ABITRAM: variants seen among roughly 807,000 people sequenced by gnomAD.
ABITRAM encodes actin binding transcription modulator.
A neutral mutation model predicts 22.9 loss-of-function variants in ABITRAM; 19 were observed. The observed-to-expected ratio is 0.83, with a 90% CI of 0.58 to 1.22. The LOEUF (loss-of-function observed/expected upper bound fraction) is 1.22, where lower values mean the gene tolerates loss of function less well. Ranked by LOEUF, ABITRAM falls within the 50% of genes most tolerant of loss-of-function variation. The probability of loss-of-function intolerance (pLI) is 0.00; values close to 1 mark genes in which losing one functional copy is unlikely to be tolerated. For missense variants in ABITRAM, 215 were observed against 220.2 expected (o/e 0.98, Z 0.15); for synonymous variants, 70 against 73.9 (o/e 0.95, Z 0.27).
At chr9:108,934,950 A>G (rs533790385) in intron 1 of ABITRAM, among the ~76,000 whole-genome samples, 1 of 152,266 alleles carries the variant, frequency 6.6e-6, no homozygotes, top group East Asian at 1.9e-4. Flanking sequence ...ATCAGATCGA[A>G]ACTAAGGTAG....
Position 108,934,456 on chromosome 9 carries a change from G to C in ABITRAM, c.-31G>C. On this transcript the variant is annotated 5_prime_UTR_variant, in exon 1 of 6. Transcript: ENST00000322940. ...GCGCGGAGGAAGCGCTGGGGTCCCG[G>C]AGGGCGGGGGTGGCGGCGCCGGAGG... is the stretch of plus-strand genomic sequence containing the variant. 6.3e-7 allele frequency: 1 copy of C among 1,575,394 alleles called. No homozygotes were observed. The highest frequency in any genetic ancestry group is 8.6e-7 in the Non-Finnish European group (1 of 1,162,594).
downstream of ABITRAM, among the ~76,000 whole-genome samples, chr9:108,941,926 G>C (rs1239461629): frequency 6.6e-6 from 1 of 152,154 alleles, no homozygotes; most frequent in Non-Finnish European, 1.5e-5. Context: ...GATGTTTTTT[G>C]TTTTGTTTTA....
downstream of ABITRAM, chr9:108,942,562 A>T: frequency 1.8e-6 from 1 of 555,332 alleles, no homozygotes; most frequent in Non-Finnish European, 3.2e-6. Flanking sequence ...TAAAAATCAC[A>T]CTACAATTAG....
downstream of ABITRAM, chr9:108,942,685 T>C: frequency 1.1e-6 from 1 of 948,496 alleles, no homozygotes. Flanking sequence ...ATTGATGAAT[T>C]TCTGAAAAGA....
chr9:108,939,242 G>T lies in ABITRAM; in HGVS notation c.308G>T (p.Cys103Phe). Residue 103 changes from cysteine to phenylalanine, a missense_variant, in exon 4 of 6, where the codon TGC (cysteine) becomes TTC (phenylalanine). Cys to Phe is a radical substitution (Grantham distance 205). Transcript: ENST00000322940. The stretch of plus-strand genomic sequence containing the variant: ...CTTGCACCTCTCTGTAAGATTTACT[G>T]CTCAGATGGTGAAGAATATACTGTG... ...TELAPLCKIY[C>F]SDGEEYTVSS... 6.2e-7 allele frequency: 1 copy of T among 1,613,962 alleles called. No homozygotes were observed. Among genetic ancestry groups the T allele is most frequent in the Non-Finnish European group, 8.5e-7 (1 of 1,179,920 alleles).
At position 108,950,156 on chromosome 9, in the gene ABITRAM, T is replaced by C. The variant is rs575218817; in HGVS notation, c.262-351T>C. ...TAGTCAAAAACATTTTTTAAAAGCA[T>C]GATTTTCATCACCATGGAAATAACT... On this transcript the variant is annotated intron_variant, in intron 3 of 3. Transcript: ENST00000374624. Among the ~76,000 whole-genome samples the C allele has an allele frequency of 3.3e-5, 5 of 152,296 alleles. No homozygotes were observed. In the East Asian group the frequency reaches 9.6e-4, roughly 29 times the overall value.
chr9:108,939,519 T>TGAC, intron 5 of ABITRAM, 30 bp from the exon 6 acceptor site: 1 of 1,608,556 alleles, frequency 6.2e-7, no homozygotes, highest in Non-Finnish European at 8.5e-7. Flanking sequence ...TTTCATCGTT[T>TGAC]GACAGTACTA....
At chr9:108,942,918 C>A, downstream of ABITRAM, 4 of 1,608,590 alleles carry the variant, frequency 2.5e-6, no homozygotes, top group East Asian at 4.5e-5. Context: ...TTCTTTTAAA[C>A]CATTTTTTAA....
At chr9:108,939,316 A>C (rs774984650) in intron 4 of ABITRAM, 44 bp downstream of exon 4, 19 of 1,592,812 alleles carry the variant, frequency 1.2e-5, no homozygotes, top group Non-Finnish European at 1.5e-5. Context: ...AAAGGGAGGT[A>C]ATTTTTTTTC....
intron 3 of ABITRAM, among the ~76,000 whole-genome samples, chr9:108,937,644 C>A (rs971860431): frequency 6.6e-6 from 1 of 152,062 alleles, no homozygotes; most frequent in Non-Finnish European, 1.5e-5. Flanking sequence ...CTACAAGTTA[C>A]AATAACACTT....
At chr9:108,948,468 A>T (rs965224311) in intron 3 of ABITRAM, among the ~76,000 whole-genome samples, 3 of 152,198 alleles carry the variant, frequency 2.0e-5, no homozygotes, top group African/African-American at 7.2e-5. Flanking sequence ...AATATAAAAA[A>T]TTTTAAACAA....
chr9:108,936,253 T>C (rs1830185791), intron 2 of ABITRAM, 55 bp from the exon 3 acceptor site: 29 of 1,584,760 alleles, frequency 1.8e-5, no homozygotes, highest in Non-Finnish European at 2.4e-5. Context: ...ATAGGAGTTA[T>C]GGGAGGAAAA....
chr9:108,942,225 C>T (rs1259967285), downstream of ABITRAM, among the ~76,000 whole-genome samples: 1 of 152,106 alleles, frequency 6.6e-6, no homozygotes, highest in Admixed American at 6.6e-5. Context: ...CACAGCAGAC[C>T]CACCCTTGCT....
chr9:108,949,002 A>G (rs1200141182), intron 3 of ABITRAM, among the ~76,000 whole-genome samples: 1 of 152,208 alleles, frequency 6.6e-6, no homozygotes, highest in Non-Finnish European at 1.5e-5. Flanking sequence ...ATAAGGTACT[A>G]GTATGTTTGA....
chr9:108,934,646 C>A, intron 1 of ABITRAM, 81 bp downstream of exon 1: 1 of 1,344,860 alleles, frequency 7.4e-7, no homozygotes, highest in Non-Finnish European at 1.0e-6. Flanking sequence ...TCATAAGCCA[C>A]GCGCGCTCTC....
chr9:108,939,398 CG>C lies in ABITRAM; in HGVS notation c.353del (p.Arg118LeufsTer2), dbSNP rs772614106. ...TTTTTTTAATAGTTGTGTTAGAGGA[CG>C]TTTGATGGAAGTGAATGAAAACATC... ...EYTVSSCVRG[R>X]LMEVNENILH... is the part of the protein sequence containing the mutation. On this transcript the variant is annotated frameshift_variant, in exon 5 of 6. Transcript: ENST00000322940. LOFTEE classifies it high-confidence loss of function. 2 of 1,609,224 alleles carry C rather than the reference CG, an allele frequency of 1.2e-6. No individual in the cohort carries two copies. The highest frequency in any genetic ancestry group is 2.2e-5 in the South Asian group (2 of 89,646).
Position 108,939,617 on chromosome 9 carries a change from G to T in ABITRAM, c.477G>T (p.Gly159=). ...KFEESKSITE[G]LLTQKQYEEV... ...AAGAAAGTAAAAGCATAACAGAAGG[G>T]TTACTGACACAAAAACAATATGAAG... Residue 159 remains glycine (G), a synonymous_variant, in exon 6 of 6, where the codon GGG becomes GGT. Transcript: ENST00000322940. 6.2e-7 allele frequency: 1 copy of T among 1,614,008 alleles called. No homozygotes were observed. Among genetic ancestry groups the T allele is most frequent in the Non-Finnish European group, 8.5e-7 (1 of 1,179,966 alleles).
At chr9:108,949,810 C>T (rs1398141025) in intron 3 of ABITRAM, among the ~76,000 whole-genome samples, 1 of 152,132 alleles carries the variant, frequency 6.6e-6, no homozygotes, top group Non-Finnish European at 1.5e-5. Flanking sequence ...CACCACTGCA[C>T]TCCAGCCTGG....
At chr9:108,949,561 A>C (rs977156723) in intron 3 of ABITRAM, among the ~76,000 whole-genome samples, 2 of 151,952 alleles carry the variant, frequency 1.3e-5, no homozygotes, top group African/African-American at 4.8e-5. Context: ...TACAAAAATT[A>C]GGCCAGGTGT....
Sources: gnomAD v4.1 joint callset for allele counts (sites outside exome capture counted in the v4.1 genomes callset) on GRCh38, gnomAD v4.1.1 for gene constraint, MANE v1.5 for transcripts, NCBI Gene and HGNC (gene_info 2026-07-23, HGNC 2026-07-21) for gene names.